Variants in SMAP1 observed in about 807,000 individuals in gnomAD.
SMAP1 encodes small ArfGAP 1, also known as stromal membrane-associated protein 1.
SMAP1 carries 24 observed loss-of-function variants against 58.5 expected under a neutral mutation model. The observed-to-expected ratio is 0.41, with a 90% CI of 0.30 to 0.58. SMAP1 has a LOEUF of 0.58. Among genes scored for constraint, SMAP1 ranks in the 20% least tolerant of loss-of-function variants. The pLI is 0.29. For missense variants in SMAP1, 563 were observed against 566.3 expected (o/e 0.99, Z 0.06); for synonymous variants, 216 against 196.6 (o/e 1.10, Z -0.82).
intron 2 of SMAP1, among the ~76,000 whole-genome samples, chr6:70,737,745 C>A (rs2149868905): frequency 6.6e-6 from 1 of 152,236 alleles, no homozygotes. Flanking sequence ...TGATTAAATT[C>A]TGTGAGATAA....
intron 6 of SMAP1, among the ~76,000 whole-genome samples, chr6:70,820,484 G>A (rs1244507453): frequency 5.3e-5 from 8 of 152,142 alleles, no homozygotes; most frequent in African/African-American, 1.9e-4. Context: ...GGCCGAGGCG[G>A]GCGGATCATG....
chr6:70,855,424 G>T (rs186146366), intron 8 of SMAP1, among the ~76,000 whole-genome samples: 1 of 152,246 alleles, frequency 6.6e-6, no homozygotes, highest in Admixed American at 6.5e-5. Flanking sequence ...TCTACTATGA[G>T]AGTGGAATCA....
rs1380420077 is a variant in SMAP1 at position 70,856,917 on chromosome 6, AT to A, written c.851del (p.Leu284TyrfsTer73). On this transcript the variant is annotated frameshift_variant, in exon 9 of 11. Transcript: ENST00000370455. LOFTEE classifies it high-confidence loss of function. ...TLSTVTSGDL[D>X]LFTEQTTKSE... ...TCTACAGTAACATCTGGGGATCTAG[AT>A]TTATTCACTGAGCAAACTACAAAAT... The A allele has an allele frequency of 6.2e-7, 1 of 1,613,926 alleles. No individual in the cohort carries two copies. Among genetic ancestry groups the A allele is most frequent in the African/African-American group, 1.3e-5 (1 of 75,060 alleles).
intron 1 of SMAP1, among the ~76,000 whole-genome samples, chr6:70,690,469 G>A (rs1767114930): frequency 6.6e-6 from 1 of 151,878 alleles, no homozygotes; most frequent in Non-Finnish European, 1.5e-5. Context: ...ACCACGGTCA[G>A]CTAATTTTGT....
chr6:70,811,927 A>T (rs759631314), intron 6 of SMAP1, among the ~76,000 whole-genome samples: 9 of 152,140 alleles, frequency 5.9e-5, no homozygotes, highest in Admixed American at 1.3e-4. Flanking sequence ...TTTTGATCTG[A>T]TAGGTGAGAT....
chr6:70,837,849 T>C (rs1240950723), intron 7 of SMAP1: 21 of 1,270,064 alleles, frequency 1.7e-5, no homozygotes, highest in Non-Finnish European at 2.2e-5. Flanking sequence ...GACCTTCATG[T>C]ACTGCTTTCC....
intron 7 of SMAP1, among the ~76,000 whole-genome samples, chr6:70,841,777 A>G (rs531890228): frequency 6.6e-6 from 1 of 152,292 alleles, no homozygotes; most frequent in East Asian, 1.9e-4. Context: ...TTAACATATG[A>G]CAGTGGTCAA....
chr6:70,689,041 C>G (rs1313177980), intron 1 of SMAP1, among the ~76,000 whole-genome samples: 1 of 151,878 alleles, frequency 6.6e-6, no homozygotes, highest in Non-Finnish European at 1.5e-5. Context: ...ACTCTGTCAC[C>G]CAGGCTGGAA....
At chr6:70,828,399 G>A (rs1435533423) in intron 6 of SMAP1, among the ~76,000 whole-genome samples, 3 of 152,164 alleles carry the variant, frequency 2.0e-5, no homozygotes, top group Non-Finnish European at 4.4e-5. Context: ...GTGTTGTTGA[G>A]TAACTTGTTA....
intron 1 of SMAP1, among the ~76,000 whole-genome samples, chr6:70,726,874 GGTGTGTGT>G (rs35977042): frequency 0.017 from 2,455 of 144,874 alleles, 69 homozygotes; most frequent in African/African-American, 0.05. Flanking sequence ...AAATTTTAGG[GGTGTGTGT>G]GTGTGTGTGT....
chr6:70,732,620 A>C, intron 2 of SMAP1, 109 bp downstream of exon 2: 1 of 931,856 alleles, frequency 1.1e-6, no homozygotes, highest in Non-Finnish European at 1.4e-6. Context: ...TTGTATGTTG[A>C]AATGGCATAT....
intron 5 of SMAP1, among the ~76,000 whole-genome samples, chr6:70,796,962 A>G (rs764997229): frequency 6.6e-6 from 1 of 152,182 alleles, no homozygotes; most frequent in East Asian, 1.9e-4. Flanking sequence ...GTTGCAAAGC[A>G]ATATACCAAT....
At chr6:70,769,184 T>G (rs1767150184) in intron 3 of SMAP1, among the ~76,000 whole-genome samples, 2 of 152,274 alleles carry the variant, frequency 1.3e-5, no homozygotes, top group East Asian at 3.9e-4. Context: ...TGTGGTCAAT[T>G]TGGGAATAGG....
intron 1 of SMAP1, among the ~76,000 whole-genome samples, chr6:70,688,035 A>T (rs984063166): frequency 6.6e-6 from 1 of 152,188 alleles, no homozygotes; most frequent in African/African-American, 2.4e-5. Context: ...CCATTTCAAA[A>T]ATGTTATAAA....
intron 1 of SMAP1, among the ~76,000 whole-genome samples, chr6:70,688,380 A>G (rs1173944464): frequency 6.6e-6 from 1 of 152,170 alleles, no homozygotes; most frequent in Admixed American, 6.5e-5. Flanking sequence ...AAAAGTGCCA[A>G]ACTTTTCAAA....
intron 1 of SMAP1, among the ~76,000 whole-genome samples, chr6:70,673,252 G>A (rs924049831): frequency 6.6e-6 from 1 of 152,168 alleles, no homozygotes; most frequent in African/African-American, 2.4e-5. Flanking sequence ...TGTCATAACT[G>A]CTTCTCACCC....
chr6:70,676,454 T>A (rs1228920922), intron 1 of SMAP1, among the ~76,000 whole-genome samples: 3 of 151,998 alleles, frequency 2.0e-5, no homozygotes, highest in Non-Finnish European at 4.4e-5. Flanking sequence ...TTTATTGAGA[T>A]GAGATAGGGG....
At chr6:70,776,455 C>T (rs1176361514) in intron 4 of SMAP1, among the ~76,000 whole-genome samples, 3 of 152,060 alleles carry the variant, frequency 2.0e-5, no homozygotes, top group South Asian at 2.1e-4. Context: ...CTGGGATTAC[C>T]GGTGTGAGCC....
chr6:70,861,006 T>C lies in SMAP1; in HGVS notation c.*672T>C, dbSNP rs1314865420. On this transcript the variant is annotated 3_prime_UTR_variant, in exon 11 of 11. Coordinates refer to ENST00000370455, the MANE Select transcript of SMAP1 (RefSeq NM_001044305.3). ...ACATAGTGCTAACATGAAGACCTTT[T>C]TCTGCACTATATGCAAACAGGGTAA... 2 of 290,862 alleles carry C rather than the reference T, an allele frequency of 6.9e-6. No homozygotes were observed. The highest frequency in any genetic ancestry group is 4.3e-5 in the African/African-American group (2 of 46,478). The allele number at this position is 290,862 out of a possible 1,614,324, so 18.0% of individuals were successfully genotyped here.
Sources: allele counts gnomAD v4.1 joint callset (sites outside exome capture counted in the v4.1 genomes callset), GRCh38; gene constraint gnomAD v4.1.1; transcripts MANE v1.5; gene names NCBI Gene and HGNC (gene_info 2026-07-23, HGNC 2026-07-21).